CCSER1: variants seen among roughly 807,000 people sequenced by gnomAD.
CCSER1 encodes serine-rich coiled-coil domain-containing protein 1.
In CCSER1, 41 loss-of-function variants were observed where a neutral mutation model predicts 82.0. That is an observed-to-expected ratio of 0.50 (90% CI 0.39 to 0.65). The LOEUF (loss-of-function observed/expected upper bound fraction) is 0.65, where lower values mean the gene tolerates loss of function less well. Ranked by LOEUF, CCSER1 falls within the 30% of genes least tolerant of loss-of-function variation. The pLI, the probability that CCSER1 is intolerant of heterozygous loss-of-function variation, is 0.00. For synonymous variants in CCSER1, 414 were observed against 383.9 expected (o/e 1.08, Z -0.92); for missense variants, 1,119 against 1,064.2 (o/e 1.05, Z -0.72).
chr4:90,638,459 A>G (rs978486641), intron 6 of CCSER1, among the ~76,000 whole-genome samples: 4 of 152,156 alleles, frequency 2.6e-5, no homozygotes, highest in Admixed American at 2.0e-4. Context: ...TAGTATTGTC[A>G]GTTCTTATAA....
intron 6 of CCSER1, among the ~76,000 whole-genome samples, chr4:90,689,380 A>T (rs1053231075): frequency 1.2e-4 from 19 of 152,246 alleles, no homozygotes; most frequent in African/African-American, 4.6e-4. Context: ...TGTAAAAAAC[A>T]ATTCTTTATA....
chr4:91,443,687 A>T (rs549366059), intron 10 of CCSER1, among the ~76,000 whole-genome samples: 48 of 148,612 alleles, frequency 3.2e-4, no homozygotes, highest in African/African-American at 1.2e-3. Context: ...AAAAGAAAAT[A>T]ATATTAGCGA....
At chr4:90,637,491 T>C (rs977151943) in intron 6 of CCSER1, among the ~76,000 whole-genome samples, 1 of 152,070 alleles carries the variant, frequency 6.6e-6, no homozygotes, top group African/African-American at 2.4e-5. Flanking sequence ...GTAGGGAACA[T>C]TGTGGTCCAT....
intron 1 of CCSER1, among the ~76,000 whole-genome samples, chr4:90,242,702 G>T (rs966730847): frequency 6.6e-6 from 1 of 152,130 alleles, no homozygotes; most frequent in Non-Finnish European, 1.5e-5. Flanking sequence ...TATAGAGCAC[G>T]TTTATTGAGT....
At chr4:91,511,460 T>C (rs1220276131) in intron 10 of CCSER1, among the ~76,000 whole-genome samples, 1 of 152,150 alleles carries the variant, frequency 6.6e-6, no homozygotes, top group African/African-American at 2.4e-5. Flanking sequence ...AGTAATGCAA[T>C]ATTTTTTCCC....
chr4:90,601,062 A>G (rs1349252802), intron 5 of CCSER1, among the ~76,000 whole-genome samples: 1 of 151,940 alleles, frequency 6.6e-6, no homozygotes, highest in Non-Finnish European at 1.5e-5. Flanking sequence ...AGTTCTAGTA[A>G]TTTCAGATTT....
At chr4:90,525,022 C>T (rs1463910662) in intron 5 of CCSER1, among the ~76,000 whole-genome samples, 1 of 151,952 alleles carries the variant, frequency 6.6e-6, no homozygotes, top group Non-Finnish European at 1.5e-5. Context: ...CCATTTCTAT[C>T]AGAAAAGCTA....
intron 10 of CCSER1, among the ~76,000 whole-genome samples, chr4:91,221,041 CT>C (rs1737702346): frequency 1.3e-5 from 2 of 152,000 alleles, no homozygotes; most frequent in African/African-American, 4.8e-5. Context: ...ATTAAGCTAC[CT>C]TTATGATAAT....
At chr4:90,659,965 T>C (rs1579777755) in intron 6 of CCSER1, among the ~76,000 whole-genome samples, 2 of 151,718 alleles carry the variant, frequency 1.3e-5, no homozygotes, top group South Asian at 4.1e-4. Context: ...TTTAGTGAGG[T>C]TTTTTGTTGT....
chr4:90,835,544 T>A (rs1761703189), intron 8 of CCSER1, among the ~76,000 whole-genome samples: 1 of 152,152 alleles, frequency 6.6e-6, no homozygotes, highest in Admixed American at 6.5e-5. Context: ...TTCAGCTATA[T>A]GTTTAGAATC....
chr4:91,382,909 C>G (rs1413796289), intron 10 of CCSER1, among the ~76,000 whole-genome samples: 1 of 152,038 alleles, frequency 6.6e-6, no homozygotes, highest in Non-Finnish European at 1.5e-5. Flanking sequence ...CAACCACAGC[C>G]CTGATTAAGT....
At chr4:90,788,964 T>C (rs1349659763) in intron 7 of CCSER1, among the ~76,000 whole-genome samples, 1 of 151,936 alleles carries the variant, frequency 6.6e-6, no homozygotes, top group African/African-American at 2.4e-5. Context: ...CTGGATCATT[T>C]TCATCAGTGT....
intron 1 of CCSER1, among the ~76,000 whole-genome samples, chr4:90,208,229 T>C (rs1739281104): frequency 1.3e-5 from 2 of 152,338 alleles, no homozygotes; most frequent in African/African-American, 4.8e-5. Flanking sequence ...GCAGGCAGTC[T>C]GGCTACAGTG....
chr4:90,242,445 A>G (rs918563681), intron 1 of CCSER1, among the ~76,000 whole-genome samples: 1 of 152,234 alleles, frequency 6.6e-6, no homozygotes, highest in Non-Finnish European at 1.5e-5. Context: ...GTACGAAGAA[A>G]TGTACAAAAT....
At chr4:91,534,488 C>A (rs1371299881) in intron 10 of CCSER1, among the ~76,000 whole-genome samples, 2 of 151,968 alleles carry the variant, frequency 1.3e-5, no homozygotes, top group Admixed American at 6.6e-5. Flanking sequence ...CATGAAAAAT[C>A]TTTGTGCTAT....
At chr4:90,431,693 A>G (rs1758297658) in intron 4 of CCSER1, among the ~76,000 whole-genome samples, 1 of 151,922 alleles carries the variant, frequency 6.6e-6, no homozygotes, top group Non-Finnish European at 1.5e-5. Flanking sequence ...ATATCTTCCA[A>G]CTTAATTTCA....
intron 10 of CCSER1, among the ~76,000 whole-genome samples, chr4:91,465,230 C>G (rs917655904): frequency 1.3e-5 from 2 of 152,154 alleles, no homozygotes; most frequent in African/African-American, 4.8e-5. Flanking sequence ...AACATGGAAA[C>G]TGAACAACCT....
At chr4:90,866,703 T>C (rs1765769683) in intron 8 of CCSER1, among the ~76,000 whole-genome samples, 1 of 152,064 alleles carries the variant, frequency 6.6e-6, no homozygotes, top group African/African-American at 2.4e-5. Context: ...TCACTATTTT[T>C]TCTCATCTGC....
chr4:90,252,519 A>G (rs923455585), intron 1 of CCSER1, among the ~76,000 whole-genome samples: 2 of 151,726 alleles, frequency 1.3e-5, no homozygotes, highest in Non-Finnish European at 2.9e-5. Flanking sequence ...GTGGGTACAT[A>G]TATTTAAGGG....
Sources: gnomAD v4.1 joint callset for allele counts (sites outside exome capture counted in the v4.1 genomes callset) on GRCh38, gnomAD v4.1.1 for gene constraint, MANE v1.5 for transcripts, NCBI Gene and HGNC (gene_info 2026-07-23, HGNC 2026-07-21) for gene names.